The following ZNF423 variants were observed in gnomAD, a reference collection of about 807,000 sequenced individuals.
The protein encoded by ZNF423 is Ebf-associated zinc finger protein.
Under a neutral mutation model 95.8 loss-of-function variants are expected in ZNF423, and 12 were observed. That is an observed-to-expected ratio of 0.13 (90% CI 0.08 to 0.20). The LOEUF is 0.20. Ranked by LOEUF, ZNF423 falls within the 10% of genes least tolerant of loss-of-function variation. ZNF423 has a pLI of 1.00. For missense variants in ZNF423, 1,316 were observed against 1,737.1 expected, an observed-to-expected ratio of 0.76 and a Z score of 4.31; for synonymous variants, 749 against 711.9, an observed-to-expected ratio of 1.05 and a Z score of -0.83.
intron 3 of ZNF423, among the ~76,000 whole-genome samples, chr16:49,655,508 T>G (rs2029867243): frequency 6.6e-6 from 1 of 152,204 alleles, no homozygotes; most frequent in African/African-American, 2.4e-5. Flanking sequence ...AGAAAACCCC[T>G]GCACAATCAG....
At chr16:49,545,266 G>A (rs1414575339) in intron 5 of ZNF423, among the ~76,000 whole-genome samples, 1 of 152,198 alleles carries the variant, frequency 6.6e-6, no homozygotes, top group Non-Finnish European at 1.5e-5. Flanking sequence ...AAGTTGAAAA[G>A]ATAGTAAGTG....
chr16:49,768,307 G>A (rs2033967693), intron 2 of ZNF423, among the ~76,000 whole-genome samples: 1 of 152,204 alleles, frequency 6.6e-6, no homozygotes, highest in African/African-American at 2.4e-5. Context: ...ATTAACCCGT[G>A]AGCCCCAACT....
intron 5 of ZNF423, among the ~76,000 whole-genome samples, chr16:49,573,680 C>T (rs907961695): frequency 7.9e-5 from 12 of 152,178 alleles, no homozygotes; most frequent in East Asian, 1.9e-4. Context: ...ACTCAACATA[C>T]GGATTTTGGG....
intron 5 of ZNF423, among the ~76,000 whole-genome samples, chr16:49,587,689 T>C (rs374859802): frequency 2.6e-5 from 4 of 152,172 alleles, no homozygotes; most frequent in African/African-American, 9.6e-5. Context: ...CAGGGTCTAA[T>C]GGCCTGGAAA....
chr16:49,658,166 T>C (rs1158254348), intron 3 of ZNF423, among the ~76,000 whole-genome samples: 1 of 152,234 alleles, frequency 6.6e-6, no homozygotes, highest in East Asian at 1.9e-4. Context: ...GCGCAAGTCC[T>C]GCTGCCCTGG....
chr16:49,657,370 T>C (rs1208373259), intron 3 of ZNF423, among the ~76,000 whole-genome samples: 2 of 152,204 alleles, frequency 1.3e-5, no homozygotes, highest in Non-Finnish European at 2.9e-5. Context: ...GTCATGAGCT[T>C]GGTCCAATTT....
At chr16:49,842,312 GGAAGGGA>G (rs2035194180) in intron 1 of ZNF423, among the ~76,000 whole-genome samples, 1 of 40,402 alleles carries the variant, frequency 2.5e-5, no homozygotes, top group Admixed American at 3.0e-4. Flanking sequence ...GGGAGGCGAG[GGAAGGGA>G]AGGGAAGGGA....
chr16:49,528,473 C>T (rs934930373), intron 5 of ZNF423, among the ~76,000 whole-genome samples: 3 of 152,164 alleles, frequency 2.0e-5, no homozygotes, highest in Non-Finnish European at 4.4e-5. Context: ...CAACAGACCA[C>T]TGTGTGTCTC....
Position 49,730,809 on chromosome 16 carries a change from G to T in ZNF423, c.263C>A (p.Ala88Glu). 6.2e-7 allele frequency: 1 copy of T among 1,614,182 alleles called. No homozygotes were observed. Among genetic ancestry groups the T allele is most frequent in the Non-Finnish European group, 8.5e-7 (1 of 1,180,026 alleles). Residue 88 changes from alanine to glutamate, a missense_variant, in exon 3 of 8, where the codon GCA (alanine) becomes GAA (glutamate). Ala to Glu is a moderately radical substitution (Grantham distance 107). Coordinates refer to ENST00000563137, the MANE Select transcript of ZNF423 (RefSeq NM_001379286.1). ...GTGGGCCCGGTGGTCCGTCAGGTCTGCCAGAGACTCGAAGTCCTGCTGACA... is the reference window on the plus strand; with the variant it reads ...GTGGGCCCGGTGGTCCGTCAGGTCTTCCAGAGACTCGAAGTCCTGCTGACA... ...DHCQQDFESLADLTDHRAHRC... is the reference protein window; with the variant it reads ...DHCQQDFESLEDLTDHRAHRC...
chr16:49,626,588 A>G (rs928418066), intron 4 of ZNF423, among the ~76,000 whole-genome samples: 1 of 151,800 alleles, frequency 6.6e-6, no homozygotes. Context: ...ACATCCACCC[A>G]TCCATCCTCC....
chr16:49,835,881 G>T (rs1056138067), intron 1 of ZNF423, among the ~76,000 whole-genome samples: 6 of 152,204 alleles, frequency 3.9e-5, no homozygotes, highest in African/African-American at 1.4e-4. Context: ...ACACCCACAG[G>T]TTCCAACTTA....
chr16:49,604,907 G>A (rs148357488), intron 5 of ZNF423, among the ~76,000 whole-genome samples: 37 of 152,212 alleles, frequency 2.4e-4, no homozygotes, highest in African/African-American at 8.7e-4. Flanking sequence ...ATCCTGGGAG[G>A]GCAGAATCAG....
intron 5 of ZNF423, among the ~76,000 whole-genome samples, chr16:49,551,647 A>G (rs541186386): frequency 6.6e-6 from 1 of 152,282 alleles, no homozygotes; most frequent in South Asian, 2.1e-4. Context: ...GGGTGCATGG[A>G]AGCTGGGATC....
intron 3 of ZNF423, among the ~76,000 whole-genome samples, chr16:49,681,342 A>G (rs1351005256): frequency 6.6e-6 from 1 of 152,222 alleles, no homozygotes; most frequent in Non-Finnish European, 1.5e-5. Flanking sequence ...AAAATGAAAC[A>G]TGGGCTCTCT....
At chr16:49,670,381 C>T (rs1035186404) in intron 3 of ZNF423, among the ~76,000 whole-genome samples, 1 of 152,246 alleles carries the variant, frequency 6.6e-6, no homozygotes, top group Non-Finnish European at 1.5e-5. Flanking sequence ...GCAGACTGCA[C>T]CATGTGTCCC....
At chr16:49,809,344 C>T (rs566167927) in intron 1 of ZNF423, among the ~76,000 whole-genome samples, 19 of 152,324 alleles carry the variant, frequency 1.2e-4, no homozygotes, top group African/African-American at 4.6e-4. Context: ...AAAGCTGCCT[C>T]GTGCAAAGCG....
chr16:49,646,200 G>A (rs1973163525), intron 3 of ZNF423, among the ~76,000 whole-genome samples: 1 of 152,214 alleles, frequency 6.6e-6, no homozygotes, highest in African/African-American at 2.4e-5. Flanking sequence ...AATAAGAGCT[G>A]CAAGACCTGA....
chr16:49,721,082 A>G (rs2032852608), intron 3 of ZNF423, among the ~76,000 whole-genome samples: 1 of 152,238 alleles, frequency 6.6e-6, no homozygotes, highest in Non-Finnish European at 1.5e-5. Flanking sequence ...GATGGGGTTC[A>G]TGTCAACAGA....
intron 3 of ZNF423, among the ~76,000 whole-genome samples, chr16:49,709,013 T>C (rs974790944): frequency 7.2e-5 from 11 of 151,992 alleles, no homozygotes; most frequent in African/African-American, 2.7e-4. Flanking sequence ...CTGATTTCCC[T>C]AAGGAATTCA....
Sources: gnomAD v4.1 joint callset for allele counts (sites outside exome capture counted in the v4.1 genomes callset) on GRCh38, gnomAD v4.1.1 for gene constraint, MANE v1.5 for transcripts, NCBI Gene and HGNC (gene_info 2026-07-23, HGNC 2026-07-21) for gene names.